HEMK2: variants seen among roughly 807,000 people sequenced by gnomAD.
HEMK2 encodes HemK methyltransferase 2, ETF1 glutamine and histone H4 lysine.
At chr21:28,647,916 C>T in the HEMK2 span, among the ~76,000 whole-genome samples, 2 of 152,184 alleles carry the variant, frequency 1.3e-5, no homozygotes, top group African/African-American at 4.8e-5. Context: ...TCTTCTCTAC[C>T]ATGTTCCTTG....
chr21:28,641,436 T>C, the HEMK2 span, among the ~76,000 whole-genome samples: 1 of 152,174 alleles, frequency 6.6e-6, no homozygotes, highest in Non-Finnish European at 1.5e-5. Context: ...AAAAATGGGC[T>C]ATATAATGGC....
At chr21:28,708,951 A>G in the HEMK2 span, among the ~76,000 whole-genome samples, 2 of 152,228 alleles carry the variant, frequency 1.3e-5, no homozygotes, top group South Asian at 4.1e-4. Flanking sequence ...CTTATAAACA[A>G]CTTAGTTCTC....
chr21:28,647,259 G>C, the HEMK2 span, among the ~76,000 whole-genome samples: 11 of 146,918 alleles, frequency 7.5e-5, no homozygotes, highest in Admixed American at 1.4e-4. Context: ...GCTGAGGTGG[G>C]CTGATCACAG....
At chr21:28,717,390 G>C in the HEMK2 span, among the ~76,000 whole-genome samples, 1 of 151,202 alleles carries the variant, frequency 6.6e-6, no homozygotes, top group Non-Finnish European at 1.5e-5. Context: ...ATTTCCTCTA[G>C]ATTTTCTAGT....
chr21:28,793,352 G>A, the HEMK2 span, among the ~76,000 whole-genome samples: 2 of 152,134 alleles, frequency 1.3e-5, no homozygotes, highest in South Asian at 2.1e-4. Flanking sequence ...TGCCTAAAAC[G>A]AAATGCACCT....
At chr21:28,675,186 C>T in the HEMK2 span, among the ~76,000 whole-genome samples, 2 of 152,138 alleles carry the variant, frequency 1.3e-5, no homozygotes, top group Admixed American at 1.3e-4. Context: ...CAAGATAGAA[C>T]AAGTAAACTT....
At chr21:28,865,045 A>G in the HEMK2 span, among the ~76,000 whole-genome samples, 8 of 152,148 alleles carry the variant, frequency 5.3e-5, no homozygotes, top group African/African-American at 1.9e-4. Flanking sequence ...ACCTCAGTTC[A>G]GGCCACTACC....
the HEMK2 span, among the ~76,000 whole-genome samples, chr21:28,806,898 G>A: frequency 6.6e-6 from 1 of 152,118 alleles, no homozygotes; most frequent in Non-Finnish European, 1.5e-5. Flanking sequence ...CTCCATAACT[G>A]TGAGACTAAA....
the HEMK2 span, among the ~76,000 whole-genome samples, chr21:28,604,729 T>C: frequency 3.3e-5 from 5 of 152,194 alleles, no homozygotes; most frequent in African/African-American, 1.2e-4. Flanking sequence ...AGTGTCTCTA[T>C]TGTCAAAGCT....
chr21:28,767,906 A>T, the HEMK2 span, among the ~76,000 whole-genome samples: 1 of 151,970 alleles, frequency 6.6e-6, no homozygotes, highest in South Asian at 2.1e-4. Flanking sequence ...CTCCTCTCAC[A>T]GGACCCCACA....
At chr21:28,609,368 G>C in the HEMK2 span, among the ~76,000 whole-genome samples, 1 of 152,064 alleles carries the variant, frequency 6.6e-6, no homozygotes, top group African/African-American at 2.4e-5. Context: ...CACATCAAGG[G>C]AGCACCCTGT....
chr21:28,805,457 C>T, the HEMK2 span, among the ~76,000 whole-genome samples: 2 of 152,160 alleles, frequency 1.3e-5, no homozygotes, highest in South Asian at 4.1e-4. Context: ...CAAACCATAC[C>T]TCTATAAAGT....
chr21:28,884,608 AT>A, the HEMK2 span, among the ~76,000 whole-genome samples: 1 of 152,208 alleles, frequency 6.6e-6, no homozygotes, highest in African/African-American at 2.4e-5. Flanking sequence ...TGCTAGCTGC[AT>A]GTAACTTTTT....
the HEMK2 span, among the ~76,000 whole-genome samples, chr21:28,779,471 G>A: frequency 3.3e-5 from 5 of 152,292 alleles, no homozygotes; most frequent in South Asian, 1.0e-3. Context: ...GGAGGAGGGT[G>A]TTGGAGAGGT....
the HEMK2 span, among the ~76,000 whole-genome samples, chr21:28,814,186 G>A: frequency 6.6e-5 from 10 of 152,164 alleles, no homozygotes; most frequent in African/African-American, 2.4e-4. Context: ...GCAGTGAGCC[G>A]AGATCATGCC....
chr21:28,871,124 T>C, the HEMK2 span, among the ~76,000 whole-genome samples: 1 of 152,258 alleles, frequency 6.6e-6, no homozygotes, highest in African/African-American at 2.4e-5. Flanking sequence ...TGAAGCAATT[T>C]TCCTGGACAC....
chr21:28,734,355 G>A, the HEMK2 span, among the ~76,000 whole-genome samples: 23,938 of 152,058 alleles, frequency 0.16, 2,236 homozygotes, highest in African/African-American at 0.25. Flanking sequence ...TTTTATATCT[G>A]TTGTCTGCCA....
the HEMK2 span, among the ~76,000 whole-genome samples, chr21:28,587,978 C>T: frequency 2.0e-5 from 3 of 152,322 alleles, no homozygotes; most frequent in South Asian, 2.1e-4. Flanking sequence ...ACTTGTATGC[C>T]AACCCCAGCT....
the HEMK2 span, among the ~76,000 whole-genome samples, chr21:28,823,188 C>T: frequency 6.6e-6 from 1 of 152,128 alleles, no homozygotes; most frequent in Non-Finnish European, 1.5e-5. Context: ...TTGCTGCAAA[C>T]AGGGTGGGCC....
Sources: gnomAD v4.1 joint callset for allele counts (sites outside exome capture counted in the v4.1 genomes callset) on GRCh38, gnomAD v4.1.1 for gene constraint, MANE v1.5 for transcripts, NCBI Gene and HGNC (gene_info 2026-07-23, HGNC 2026-07-21) for gene names.